The following ANKRD44 variants were observed in gnomAD, a reference collection of about 807,000 sequenced individuals.
ANKRD44 encodes ankyrin repeat domain 44.
A neutral mutation model predicts 116.0 loss-of-function variants in ANKRD44; 35 were observed. That is an observed-to-expected ratio of 0.30 (90% CI 0.23 to 0.40). The LOEUF is 0.40. ANKRD44 is among the 10% of genes least tolerant of loss of function. ANKRD44 has a pLI of 1.00. For missense variants in ANKRD44, 1,014 were observed against 1,242.6 expected (o/e 0.82, Z 2.77); for synonymous variants, 435 against 461.8 (o/e 0.94, Z 0.74).
intron 2 of ANKRD44, among the ~76,000 whole-genome samples, chr2:197,160,589 C>G (rs550010061): frequency 2.0e-5 from 3 of 152,240 alleles, no homozygotes; most frequent in African/African-American, 7.2e-5. Flanking sequence ...TAGAGTCGGG[C>G]CTTCCATTCT....
At chr2:197,303,247 GAA>G (rs2083966698) in intron 1 of ANKRD44, among the ~76,000 whole-genome samples, 5 of 152,354 alleles carry the variant, frequency 3.3e-5, no homozygotes, top group Admixed American at 1.3e-4. Context: ...CACAAGATGA[GAA>G]AAGACTGACA....
intron 16 of ANKRD44, among the ~76,000 whole-genome samples, chr2:197,027,956 C>T (rs1005874633): frequency 6.6e-6 from 1 of 152,044 alleles, no homozygotes; most frequent in Admixed American, 6.6e-5. Flanking sequence ...TCCCAAACCG[C>T]TGAGATTACA....
At chr2:197,028,848 CCT>C (rs2076648882) in intron 16 of ANKRD44, 1 of 195,198 alleles carries the variant, frequency 5.1e-6, no homozygotes, top group Non-Finnish European at 1.0e-5. Context: ...TCATTTTTTT[CCT>C]CTCTTTCCTA....
chr2:197,145,308 T>TAAATAAATA (rs1559100963), intron 3 of ANKRD44, among the ~76,000 whole-genome samples: 1 of 150,540 alleles, frequency 6.6e-6, no homozygotes, highest in South Asian at 2.1e-4. Flanking sequence ...AATAAATAAA[T>TAAATAAATA]AAATAAAATA....
rs2081142048 is a variant in ANKRD44, at chr2:197,203,677, A to C, written c.28-16571T>G. Among the ~76,000 whole-genome samples, 1 of 152,242 alleles carries C rather than the reference A, an allele frequency of 6.6e-6. No individual in the cohort carries two copies. Among genetic ancestry groups the C allele is most frequent in the South Asian group, 2.1e-4 (1 of 4,834 alleles). On this transcript the variant is annotated intron_variant, in intron 1 of 27. Coordinates refer to ENST00000282272, the MANE Select transcript of ANKRD44 (RefSeq NM_001195144.2). The surrounding 1 kb of genome is among the most constrained non-coding windows in gnomAD (Gnocchi z 4.1). ...CTAAATGTCCACAGCAGTACTATTC[A>C]CAACAGTCAAAAGGTAGAAACAACC...
intron 13 of ANKRD44, among the ~76,000 whole-genome samples, chr2:197,083,965 T>C (rs1193926615): frequency 6.6e-6 from 1 of 152,212 alleles, no homozygotes; most frequent in Non-Finnish European, 1.5e-5. Flanking sequence ...TCTATGTTAT[T>C]GCTTTTTTGG....
intron 1 of ANKRD44, among the ~76,000 whole-genome samples, chr2:197,265,327 A>G (rs2082714322): frequency 6.6e-6 from 1 of 151,598 alleles, no homozygotes; most frequent in Admixed American, 6.6e-5. Context: ...GCTCACTGCA[A>G]CCTCTGCCTC....
chr2:197,283,646 TC>T (rs1662561288), intron 1 of ANKRD44, among the ~76,000 whole-genome samples: 1 of 152,150 alleles, frequency 6.6e-6, no homozygotes, highest in Non-Finnish European at 1.5e-5. Context: ...AATATACACT[TC>T]AATAATTTAA....
chr2:197,092,564 T>C (rs946997713), intron 10 of ANKRD44, among the ~76,000 whole-genome samples: 3 of 152,232 alleles, frequency 2.0e-5, no homozygotes, highest in Non-Finnish European at 2.9e-5. Flanking sequence ...TTATTCGGTC[T>C]TCCCTCTGTT....
intron 1 of ANKRD44, among the ~76,000 whole-genome samples, chr2:197,248,726 T>C (rs2082252289): frequency 6.6e-6 from 1 of 151,640 alleles, no homozygotes; most frequent in South Asian, 2.1e-4. Context: ...GAACTAATCC[T>C]TGCTGCAAAC....
intron 1 of ANKRD44, among the ~76,000 whole-genome samples, chr2:197,268,703 G>A (rs1437007709): frequency 6.6e-6 from 1 of 152,102 alleles, no homozygotes; most frequent in African/African-American, 2.4e-5. Flanking sequence ...GGATAAGGAG[G>A]GGGTCTGTAT....
Position 196,989,530 on chromosome 2 carries a change from A to G in ANKRD44, c.*61T>C. 1 of 1,533,320 alleles carries G rather than the reference A, an allele frequency of 6.5e-7. No homozygotes were observed. Among genetic ancestry groups the G allele is most frequent in the South Asian group, 1.2e-5 (1 of 82,424 alleles). 95.0% of individuals were successfully genotyped at this position (1,533,320 alleles called of 1,614,324 possible). A position where few individuals can be genotyped will look rare whatever the true frequency, so the allele number is the denominator to read the frequency against. ...GAACTACACACACACACACATATAT[A>G]TATATATACACACGCACACATATAT... On this transcript the variant is annotated 3_prime_UTR_variant, in exon 28 of 28. Transcript: ENST00000282272.
intron 1 of ANKRD44, among the ~76,000 whole-genome samples, chr2:197,252,562 A>G (rs2082345783): frequency 1.3e-5 from 2 of 151,848 alleles, no homozygotes; most frequent in Admixed American, 6.6e-5. Flanking sequence ...GCCCGCCACC[A>G]CGCCCGGCTA....
At chr2:197,110,505 T>G (rs1302161997) in intron 9 of ANKRD44, among the ~76,000 whole-genome samples, 1 of 152,212 alleles carries the variant, frequency 6.6e-6, no homozygotes, top group Non-Finnish European at 1.5e-5. Context: ...CATAAATACA[T>G]CATTTCCAAT....
Position 196,995,377 on chromosome 2 carries a change from AC to A in ANKRD44, c.2831+1del, listed in dbSNP as rs1471810209. 6.2e-7 allele frequency: 1 copy of A among 1,606,486 alleles called. No homozygotes were observed. Among genetic ancestry groups the A allele is most frequent in the Non-Finnish European group, 8.5e-7 (1 of 1,175,026 alleles). ...AAGTCCAACTTTAGTAGTTACACTTACGTCTGCAGTGCATTATTTTTTTCAT... is the reference window on the plus strand; with the variant it reads ...AAGTCCAACTTTAGTAGTTACACTTAGTCTGCAGTGCATTATTTTTTTCAT... On this transcript the variant is annotated splice_donor_variant, in intron 26 of 27. Coordinates refer to ENST00000282272, the MANE Select transcript of ANKRD44 (RefSeq NM_001195144.2). LOFTEE classifies it high-confidence loss of function.
chr2:197,254,078 C>T (rs944122571), intron 1 of ANKRD44, among the ~76,000 whole-genome samples: 2 of 152,204 alleles, frequency 1.3e-5, no homozygotes, highest in Non-Finnish European at 2.9e-5. Flanking sequence ...CTCAATAACT[C>T]AACATGGTAT....
chr2:197,039,999 C>T lies in ANKRD44; in HGVS notation c.1651-14732G>A, dbSNP rs373035594. On this transcript the variant is annotated intron_variant, in intron 16 of 27. Transcript: ENST00000282272. The stretch of plus-strand genomic sequence containing the variant: ...ATCCCAGCACTTTGGGAGGCCGAGG[C>T]GGGCAGATCACGAAGTCAGGAGTTT... 6.7e-4 allele frequency among the ~76,000 whole-genome samples: 102 copies of T among 151,588 alleles called. No homozygotes were observed. The East Asian group carries it at 0.015, about 23-fold the overall frequency.
chr2:197,298,089 T>C (rs2083777211), intron 1 of ANKRD44, among the ~76,000 whole-genome samples: 1 of 152,214 alleles, frequency 6.6e-6, no homozygotes, highest in African/African-American at 2.4e-5. Context: ...GAAGCAATGG[T>C]GAAACCACTC....
intron 16 of ANKRD44, among the ~76,000 whole-genome samples, chr2:197,074,273 C>G (rs1360244728): frequency 1.3e-5 from 2 of 152,228 alleles, no homozygotes; most frequent in Non-Finnish European, 2.9e-5. Context: ...AGGTCAGGCA[C>G]AACCCAAGTC....
Sources: allele counts gnomAD v4.1 joint callset (sites outside exome capture counted in the v4.1 genomes callset), GRCh38; gene constraint gnomAD v4.1.1; non-coding constraint Gnocchi (gnomAD v3.1); transcripts MANE v1.5; gene names NCBI Gene and HGNC (gene_info 2026-07-23, HGNC 2026-07-21).